The following GLIS3 variants were observed in gnomAD, a reference collection of about 807,000 sequenced individuals.
The protein encoded by GLIS3 is GLIS family zinc finger 3.
Under a neutral mutation model 78.6 loss-of-function variants are expected in GLIS3, and 53 were observed. That is an observed-to-expected ratio of 0.67 (90% CI 0.54 to 0.85). The LOEUF (loss-of-function observed/expected upper bound fraction) is 0.85, where lower values mean the gene tolerates loss of function less well. Among genes scored for constraint, GLIS3 ranks in the 40% least tolerant of loss-of-function variants. The pLI, the probability that GLIS3 is intolerant of heterozygous loss-of-function variation, is 0.00. For missense variants in GLIS3, 1,703 were observed against 1,231.1 expected, an observed-to-expected ratio of 1.38 and a Z score of -5.74; for synonymous variants, 684 against 509.9, an observed-to-expected ratio of 1.34 and a Z score of -4.60.
chr9:4,245,245 T>C (rs1043602422), intron 2 of GLIS3, among the ~76,000 whole-genome samples: 19 of 152,200 alleles, frequency 1.2e-4, no homozygotes, highest in African/African-American at 4.6e-4. Context: ...AAACCCACAA[T>C]GATTATTATT....
chr9:4,059,032 G>A (rs183976639), intron 4 of GLIS3, among the ~76,000 whole-genome samples: 2 of 151,954 alleles, frequency 1.3e-5, no homozygotes, highest in Admixed American at 6.6e-5. Context: ...ACCTTCTGCT[G>A]TCAGGCTGCT....
At chr9:4,387,569 G>A in the GLIS3 span, among the ~76,000 whole-genome samples, 2 of 152,148 alleles carry the variant, frequency 1.3e-5, no homozygotes, top group Non-Finnish European at 2.9e-5. Context: ...CTATTACTAT[G>A]ACTATTGGGA....
At chr9:4,201,323 G>T (rs1819372592) in intron 2 of GLIS3, among the ~76,000 whole-genome samples, 1 of 152,116 alleles carries the variant, frequency 6.6e-6, no homozygotes, top group African/African-American at 2.4e-5. Flanking sequence ...AGTACTGGAA[G>T]TCCTTACCAA....
chr9:4,407,106 A>G, the GLIS3 span, among the ~76,000 whole-genome samples: 2 of 152,218 alleles, frequency 1.3e-5, no homozygotes, highest in African/African-American at 2.4e-5. Flanking sequence ...ACATAGACCA[A>G]TGGAACAGAA....
At chr9:3,842,749 A>C (rs1818800671) in intron 9 of GLIS3, among the ~76,000 whole-genome samples, 1 of 152,238 alleles carries the variant, frequency 6.6e-6, no homozygotes, top group South Asian at 2.1e-4. Context: ...GTATTTCTTA[A>C]AAGTTTGAGA....
At chr9:4,479,982 C>T in the GLIS3 span, among the ~76,000 whole-genome samples, 6 of 149,082 alleles carry the variant, frequency 4.0e-5, no homozygotes, top group African/African-American at 9.9e-5. Flanking sequence ...CTTGAACTCC[C>T]GACCTCAGGT....
intron 2 of GLIS3, among the ~76,000 whole-genome samples, chr9:4,216,503 G>GAAAAGA (rs1267503718): frequency 7.1e-6 from 1 of 140,358 alleles, no homozygotes; most frequent in Non-Finnish European, 1.6e-5. Flanking sequence ...GAAAAGAAAA[G>GAAAAGA]AAAAGAAAAA....
chr9:4,096,676 G>C (rs1372576826), intron 4 of GLIS3, among the ~76,000 whole-genome samples: 5 of 152,116 alleles, frequency 3.3e-5, no homozygotes, highest in African/African-American at 1.2e-4. Context: ...AGAGAGGAGA[G>C]GGGAGAGGTA....
chr9:4,218,709 T>C (rs1002382016), intron 2 of GLIS3, among the ~76,000 whole-genome samples: 17 of 152,274 alleles, frequency 1.1e-4, no homozygotes, highest in Admixed American at 9.2e-4. Context: ...TTTATGTTTA[T>C]TAATTTTGAA....
chr9:4,425,335 A>G, the GLIS3 span, among the ~76,000 whole-genome samples: 2 of 152,202 alleles, frequency 1.3e-5, no homozygotes, highest in Admixed American at 6.5e-5. Flanking sequence ...AAAATATGCC[A>G]CTAATGACCA....
the GLIS3 span, among the ~76,000 whole-genome samples, chr9:4,414,366 G>A: frequency 2.0e-5 from 3 of 152,144 alleles, no homozygotes; most frequent in African/African-American, 7.2e-5. Flanking sequence ...TGAGTATGCA[G>A]AACTTCAGAA....
At chr9:4,335,498 C>T (rs1817743316) in intron 2 of GLIS3, among the ~76,000 whole-genome samples, 1 of 152,172 alleles carries the variant, frequency 6.6e-6, no homozygotes, top group Non-Finnish European at 1.5e-5. Context: ...ACTTCTGCTC[C>T]ACGTGCTTTC....
intron 2 of GLIS3, among the ~76,000 whole-genome samples, chr9:4,132,338 G>C (rs868585226): frequency 1.3e-5 from 2 of 152,136 alleles, no homozygotes; most frequent in Non-Finnish European, 2.9e-5. Flanking sequence ...TCTGAACCTA[G>C]AGTTCACCTT....
intron 2 of GLIS3, among the ~76,000 whole-genome samples, chr9:4,135,046 G>C (rs1438611459): frequency 1.3e-5 from 2 of 152,120 alleles, no homozygotes; most frequent in Non-Finnish European, 2.9e-5. Context: ...ATTCTGGTGG[G>C]AAAGAAATAC....
chr9:4,259,602 A>G (rs1422167491), intron 2 of GLIS3, among the ~76,000 whole-genome samples: 1 of 152,188 alleles, frequency 6.6e-6, no homozygotes, highest in Non-Finnish European at 1.5e-5. Flanking sequence ...CTGAGACCAA[A>G]GTTAAATGGG....
At chr9:3,957,987 C>A (rs1216121754) in intron 4 of GLIS3, among the ~76,000 whole-genome samples, 1 of 152,178 alleles carries the variant, frequency 6.6e-6, no homozygotes, top group Non-Finnish European at 1.5e-5. Context: ...TCCGTGGCAG[C>A]AAAATGTCAC....
chr9:3,914,372 G>C (rs539535204), intron 6 of GLIS3, among the ~76,000 whole-genome samples: 28 of 141,092 alleles, frequency 2.0e-4, no homozygotes, highest in Non-Finnish European at 4.0e-4. Context: ...TCACTATGTT[G>C]CTGAGGCTGC....
chr9:4,088,275 G>C (rs1371475201), intron 4 of GLIS3, among the ~76,000 whole-genome samples: 2 of 152,206 alleles, frequency 1.3e-5, no homozygotes, highest in African/African-American at 4.8e-5. Context: ...GAAGGCATTG[G>C]TTTTTATTTA....
At chr9:4,019,399 CTGTT>C (rs1822692980) in intron 4 of GLIS3, among the ~76,000 whole-genome samples, 1 of 151,902 alleles carries the variant, frequency 6.6e-6, no homozygotes, top group Non-Finnish European at 1.5e-5. Context: ...CACAGCCTCA[CTGTT>C]TGGCAGCTGT....
Sources: gnomAD v4.1 joint callset for allele counts (sites outside exome capture counted in the v4.1 genomes callset) on GRCh38, gnomAD v4.1.1 for gene constraint, MANE v1.5 for transcripts, NCBI Gene and HGNC (gene_info 2026-07-23, HGNC 2026-07-21) for gene names.